SNX31: variants seen among roughly 807,000 people sequenced by gnomAD.
SNX31 encodes the protein sorting nexin 31.
In SNX31, 58 loss-of-function variants were observed where a neutral mutation model predicts 65.4. The ratio of observed to expected loss-of-function variants is 0.89; its 90% CI spans 0.72 to 1.10. The LOEUF (loss-of-function observed/expected upper bound fraction) is 1.10. SNX31 is among the 50% of genes least tolerant of loss of function. The pLI is 0.00. For synonymous variants in SNX31, 181 were observed against 190.1 expected (o/e 0.95, Z 0.39); for missense variants, 523 against 529.7 (o/e 0.99, Z 0.12).
chr8:100,596,348 A>G (rs895621741), intron 10 of SNX31, among the ~76,000 whole-genome samples: 3 of 152,170 alleles, frequency 2.0e-5, no homozygotes, highest in African/African-American at 7.2e-5. Context: ...AGTGCTCAAT[A>G]AATGGTAGCT....
In SNX31 at chr8:100,594,792, G is replaced by A. The variant is rs1563526185; in HGVS notation, c.978+1847C>T. Reference sequence around the variant, plus strand: ...CGTACGACCCAGCAATTGCACTTGTGGGCATTTATTCCAGAAAAATGAAGA... The same window carrying A: ...CGTACGACCCAGCAATTGCACTTGTAGGCATTTATTCCAGAAAAATGAAGA... On this transcript the variant is annotated intron_variant, in intron 10 of 13. Coordinates refer to ENST00000311812, the MANE Select transcript of SNX31 (RefSeq NM_152628.4). This position sits in a 1 kb window ranked among gnomAD's most constrained non-coding sequence, Gnocchi z 4.0. 2.6e-5 allele frequency among the ~76,000 whole-genome samples: 4 copies of A among 152,280 alleles called. No homozygotes were observed. The South Asian group carries it at 8.3e-4, about 32-fold the overall frequency.
rs140014187 is a variant in SNX31 at position 100,635,222 on chromosome 8, T to TTTTATTTATTTA, written c.256+663_256+674dup. On this transcript the variant is annotated intron_variant, in intron 3 of 13. Coordinates refer to ENST00000311812, the MANE Select transcript of SNX31 (RefSeq NM_152628.4). Reference sequence around the variant, plus strand: ...GGGCAACATAGTGAGACCTCATCTCTTTTATTTATTTATTTATTTATTTTT... The same window carrying TTTTATTTATTTA: ...GGGCAACATAGTGAGACCTCATCTCTTTTATTTATTTATTTATTTATTTATTTATTTATTTTT... Among the ~76,000 whole-genome samples the TTTTATTTATTTA allele has an allele frequency of 8.0e-3, 1,199 of 149,758 alleles. 18 individuals are homozygous for TTTTATTTATTTA. The highest frequency in any genetic ancestry group is 0.028 in the African/African-American group (1,131 of 40,688).
At chr8:100,633,124 T>C (rs1178774049) in intron 3 of SNX31, among the ~76,000 whole-genome samples, 1 of 150,900 alleles carries the variant, frequency 6.6e-6, no homozygotes, top group Admixed American at 6.6e-5. Context: ...AGATGGGGTC[T>C]TGTTATATTG....
intron 2 of SNX31, among the ~76,000 whole-genome samples, chr8:100,642,592 G>A (rs1819333891): frequency 6.6e-6 from 1 of 152,242 alleles, no homozygotes; most frequent in South Asian, 2.1e-4. Context: ...CTGACCTAAG[G>A]GGGACAATGA....
intron 12 of SNX31, among the ~76,000 whole-genome samples, chr8:100,580,386 T>C (rs1380719415): frequency 6.6e-6 from 1 of 152,176 alleles, no homozygotes; most frequent in Non-Finnish European, 1.5e-5. Context: ...TTTACTCCAT[T>C]ATCCATTCCA....
chr8:100,620,166 G>A (rs963093125), intron 4 of SNX31, among the ~76,000 whole-genome samples: 1 of 152,194 alleles, frequency 6.6e-6, no homozygotes, highest in Non-Finnish European at 1.5e-5. Context: ...GTGTCAGCAT[G>A]TAAAAGGGAA....
Position 100,604,433 on chromosome 8 carries a change from G to A in SNX31, c.682-3992C>T, listed in dbSNP as rs942942697. On this transcript the variant is annotated intron_variant, in intron 8 of 13. Transcript: ENST00000311812. The surrounding 1 kb of genome is among the most constrained non-coding windows in gnomAD (Gnocchi z 4.3). ...CCGGCACTGGCCACTCGGCTCTGGC[G>A]AAAGCATGGTGGAGAAGGGCAAGGG... 6.6e-6 allele frequency among the ~76,000 whole-genome samples: 1 copy of A among 152,198 alleles called. No homozygotes were observed. The highest frequency in any genetic ancestry group is 2.4e-5 in the African/African-American group (1 of 41,450).
chr8:100,653,734 A>T (rs1486311433), upstream of SNX31, among the ~76,000 whole-genome samples: 11 of 152,214 alleles, frequency 7.2e-5, no homozygotes, highest in Non-Finnish European at 1.6e-4. Context: ...CCATAAGGAA[A>T]ACCTACACTG....
intron 8 of SNX31, among the ~76,000 whole-genome samples, chr8:100,601,714 A>G (rs550034933): frequency 6.6e-6 from 1 of 152,312 alleles, no homozygotes; most frequent in East Asian, 1.9e-4. Flanking sequence ...CCAAACTCCA[A>G]ATCCCTAATG....
chr8:100,651,195 T>A (rs1271366256), upstream of SNX31, among the ~76,000 whole-genome samples: 1 of 152,206 alleles, frequency 6.6e-6, no homozygotes, highest in African/African-American at 2.4e-5. Flanking sequence ...TAACTCTACT[T>A]ACTTCAAGGG....
At chr8:100,652,565 C>T (rs1025311174), upstream of SNX31, among the ~76,000 whole-genome samples, 1 of 152,128 alleles carries the variant, frequency 6.6e-6, no homozygotes, top group Non-Finnish European at 1.5e-5. Flanking sequence ...TGTAATATGG[C>T]CCATAGTATT....
Position 100,597,292 on chromosome 8 carries a change from C to T in SNX31, c.775-450G>A, listed in dbSNP as rs1253805901. Among the ~76,000 whole-genome samples, 6 of 151,736 alleles carry T rather than the reference C, an allele frequency of 4.0e-5. No homozygotes were observed. The South Asian group carries it at 6.2e-4, about 16-fold the overall frequency. ...AGTCTCGTTCTATCACCCAGGCTGG[C>T]GTGCTGCGGCACGATCTCGGCTCAC... On this transcript the variant is annotated intron_variant, in intron 9 of 13. Coordinates refer to ENST00000311812, the MANE Select transcript of SNX31 (RefSeq NM_152628.4).
At chr8:100,615,800 T>C (rs561997487) in intron 5 of SNX31, among the ~76,000 whole-genome samples, 26 of 152,278 alleles carry the variant, frequency 1.7e-4, no homozygotes, top group African/African-American at 4.3e-4. Flanking sequence ...GACGGAGTCT[T>C]GCTCTGTCGC....
chr8:100,595,926 A>G (rs940182430), intron 10 of SNX31, among the ~76,000 whole-genome samples: 2 of 152,174 alleles, frequency 1.3e-5, no homozygotes, highest in African/African-American at 2.4e-5. Flanking sequence ...GTGGCCTACA[A>G]AAGTAGGGGA....
At position 100,626,609 on chromosome 8, in the gene SNX31, T is replaced by C. The variant is rs542123826; in HGVS notation, c.321+3718A>G. ...AACTCAGGCCCCCTCCCCAGTACTA[T>C]GTGTCAGCAAACAGCTAGCTCACAA... On this transcript the variant is annotated intron_variant, in intron 4 of 13. Coordinates refer to ENST00000311812, the MANE Select transcript of SNX31 (RefSeq NM_152628.4). This position sits in a 1 kb window ranked among gnomAD's most constrained non-coding sequence, Gnocchi z 4.4. Among the ~76,000 whole-genome samples, 6 of 152,300 alleles carry C rather than the reference T, an allele frequency of 3.9e-5. No homozygotes were observed. In the East Asian group the frequency reaches 1.2e-3, roughly 29 times the overall value.
At chr8:100,638,794 A>T (rs1166982099) in intron 2 of SNX31, among the ~76,000 whole-genome samples, 1 of 152,244 alleles carries the variant, frequency 6.6e-6, no homozygotes, top group Non-Finnish European at 1.5e-5. Flanking sequence ...AATTTAAACA[A>T]CAAAGATGTC....
At chr8:100,645,128 C>T (rs1018780437) in intron 2 of SNX31, among the ~76,000 whole-genome samples, 1 of 152,194 alleles carries the variant, frequency 6.6e-6, no homozygotes, top group African/African-American at 2.4e-5. Flanking sequence ...AAGTAATAGT[C>T]CTAATTTAAC....
At chr8:100,654,583 C>G (rs1425975929), upstream of SNX31, among the ~76,000 whole-genome samples, 6 of 152,212 alleles carry the variant, frequency 3.9e-5, no homozygotes, top group African/African-American at 1.4e-4. Context: ...AATGAAACTG[C>G]TGGGAATCGA....
At chr8:100,644,117 G>A (rs548342341) in intron 2 of SNX31, among the ~76,000 whole-genome samples, 1 of 152,266 alleles carries the variant, frequency 6.6e-6, no homozygotes, top group African/African-American at 2.4e-5. Context: ...TAGGGAAAGA[G>A]GAGATCAGGT....
Sources: allele counts gnomAD v4.1 joint callset (sites outside exome capture counted in the v4.1 genomes callset), GRCh38; gene constraint gnomAD v4.1.1; non-coding constraint Gnocchi (gnomAD v3.1); transcripts MANE v1.5; gene names NCBI Gene and HGNC (gene_info 2026-07-23, HGNC 2026-07-21).